Variants in MTCL2 observed in about 807,000 individuals in gnomAD.
The protein encoded by MTCL2 is microtubule cross-linking factor 2.
chr20:36,837,134 G>A, the MTCL2 span, among the ~76,000 whole-genome samples: 1 of 152,140 alleles, frequency 6.6e-6, no homozygotes, highest in Non-Finnish European at 1.5e-5. Context: ...TCCTGGCTCA[G>A]GCCCACTTCT....
the MTCL2 span, chr20:36,816,330 A>C: frequency 6.5e-7 from 1 of 1,540,200 alleles, no homozygotes; most frequent in Non-Finnish European, 8.7e-7. Flanking sequence ...AGACAGACAC[A>C]ACCCAGGAAG....
At chr20:36,789,988 ATTT>A in the MTCL2 span, among the ~76,000 whole-genome samples, 491 of 110,700 alleles carry the variant, frequency 4.4e-3, 4 homozygotes, top group African/African-American at 0.017. Flanking sequence ...TAATTTTTGT[ATTT>A]TTTTTTTTTT....
chr20:36,812,928 C>A, the MTCL2 span: 1 of 1,490,830 alleles, frequency 6.7e-7, no homozygotes, highest in South Asian at 1.3e-5. Context: ...CACCCCAGGC[C>A]TCTGCGCTCC....
chr20:36,862,930 C>A, the MTCL2 span: 1 of 1,367,376 alleles, frequency 7.3e-7, no homozygotes. Context: ...CTGCTCAGCG[C>A]CAGCTCCAGG....
At chr20:36,814,001 C>T in the MTCL2 span, among the ~76,000 whole-genome samples, 2 of 152,244 alleles carry the variant, frequency 1.3e-5, no homozygotes, top group East Asian at 3.9e-4. Flanking sequence ...CTGTGTTCCC[C>T]CAGCCATCCA....
the MTCL2 span, among the ~76,000 whole-genome samples, chr20:36,797,244 G>C: frequency 6.6e-6 from 1 of 152,154 alleles, no homozygotes; most frequent in African/African-American, 2.4e-5. Flanking sequence ...GTGGTCCACT[G>C]CTCAGCTGGT....
At chr20:36,843,638 C>A in the MTCL2 span, among the ~76,000 whole-genome samples, 4 of 152,232 alleles carry the variant, frequency 2.6e-5, no homozygotes, top group East Asian at 7.7e-4. Flanking sequence ...TAGGCTAGGC[C>A]AGCCTCCAGA....
At chr20:36,786,548 G>A in the MTCL2 span, 3 of 1,551,138 alleles carry the variant, frequency 1.9e-6, no homozygotes, top group South Asian at 1.2e-5. Flanking sequence ...GGTGCAGCCT[G>A]CACTTGGAAG....
the MTCL2 span, among the ~76,000 whole-genome samples, chr20:36,789,277 A>C: frequency 6.6e-6 from 1 of 152,180 alleles, no homozygotes; most frequent in African/African-American, 2.4e-5. Flanking sequence ...GGTTAATTTT[A>C]TATTCAATAT....
chr20:36,806,702 T>C, the MTCL2 span, among the ~76,000 whole-genome samples: 5 of 152,136 alleles, frequency 3.3e-5, no homozygotes, highest in African/African-American at 1.2e-4. Context: ...GTATTTTTAG[T>C]AGAGACAGGG....
At chr20:36,815,376 C>T in the MTCL2 span, 332 of 1,613,464 alleles carry the variant, frequency 2.1e-4, no homozygotes, top group Non-Finnish European at 2.7e-4. This position sits in a 1 kb window ranked among gnomAD's most constrained non-coding sequence, Gnocchi z 5.3. Flanking sequence ...GAAGTCAGCA[C>T]ACTCGTTGTC....
At chr20:36,858,993 G>A in the MTCL2 span, among the ~76,000 whole-genome samples, 4 of 152,114 alleles carry the variant, frequency 2.6e-5, no homozygotes, top group African/African-American at 9.7e-5. Context: ...GTTTCGCCAC[G>A]TTGGCCAGAC....
the MTCL2 span, among the ~76,000 whole-genome samples, chr20:36,831,480 C>T: frequency 6.6e-6 from 1 of 152,208 alleles, no homozygotes; most frequent in Non-Finnish European, 1.5e-5. Flanking sequence ...GACTGTTGTG[C>T]CTCCTCCTTG....
At chr20:36,840,166 GTT>G in the MTCL2 span, among the ~76,000 whole-genome samples, 3 of 122,896 alleles carry the variant, frequency 2.4e-5, no homozygotes, top group Admixed American at 8.3e-5. Flanking sequence ...CCAGCCTGGT[GTT>G]TTTTTTTTTT....
chr20:36,808,436 A>T, the MTCL2 span: 1 of 1,251,840 alleles, frequency 8.0e-7, no homozygotes, highest in Non-Finnish European at 1.1e-6. Flanking sequence ...AGTTGTGTCA[A>T]TACCAGCTGG....
the MTCL2 span, among the ~76,000 whole-genome samples, chr20:36,842,205 G>A: frequency 1.3e-5 from 2 of 152,104 alleles, no homozygotes; most frequent in South Asian, 2.1e-4. Flanking sequence ...ATGAGTGCCT[G>A]GAGGCAACCC....
the MTCL2 span, chr20:36,810,190 T>G: frequency 6.8e-7 from 1 of 1,480,726 alleles, no homozygotes; most frequent in Admixed American, 2.1e-5. Context: ...AGGATGACAG[T>G]GGTAGGGGAA....
At chr20:36,841,855 CATCGGGG>C in the MTCL2 span, among the ~76,000 whole-genome samples, 1 of 125,736 alleles carries the variant, frequency 8.0e-6, no homozygotes, top group Non-Finnish European at 1.7e-5. Context: ...CACAACCCCA[CATCGGGG>C]GTGGGGGGTG....
At chr20:36,812,944 A>G in the MTCL2 span, 10 of 1,403,076 alleles carry the variant, frequency 7.1e-6, no homozygotes, top group Non-Finnish European at 8.5e-6. Context: ...GCTCCCTAAG[A>G]GGCTTGAACC....
Sources: gnomAD v4.1 joint callset for allele counts (sites outside exome capture counted in the v4.1 genomes callset) on GRCh38, gnomAD v4.1.1 for gene constraint, Gnocchi (gnomAD v3.1) non-coding constraint, MANE v1.5 for transcripts, NCBI Gene and HGNC (gene_info 2026-07-23, HGNC 2026-07-21) for gene names.